The following CABCOCO1 variants were observed in gnomAD, a reference collection of about 807,000 sequenced individuals.
The protein encoded by CABCOCO1 is ciliary associated calcium binding coiled-coil 1.
In CABCOCO1, 28 loss-of-function variants were observed where a neutral mutation model predicts 35.7. That is an observed-to-expected ratio of 0.78 (90% CI 0.58 to 1.07). The LOEUF is 1.07. Among genes scored for constraint, CABCOCO1 ranks in the 50% least tolerant of loss-of-function variants. The probability of loss-of-function intolerance (pLI) is 0.00; values close to 1 mark genes in which losing one functional copy is unlikely to be tolerated. For synonymous variants in CABCOCO1, 95 were observed against 100.1 expected, an observed-to-expected ratio of 0.95 and a Z score of 0.30; for missense variants, 326 against 309.2, an observed-to-expected ratio of 1.05 and a Z score of -0.41.
At chr10:61,739,572 G>C (rs116448612) in intron 5 of CABCOCO1, among the ~76,000 whole-genome samples, 70,178 of 151,450 alleles carry the variant, frequency 0.46, 17,104 homozygotes, top group Middle Eastern at 0.59. Flanking sequence ...TAGGGACAGA[G>C]AGATTAATTG....
intron 3 of CABCOCO1, among the ~76,000 whole-genome samples, chr10:61,683,350 A>T (rs1407253698): frequency 2.0e-5 from 3 of 152,170 alleles, no homozygotes; most frequent in Non-Finnish European, 4.4e-5. Flanking sequence ...ATTTGAGGCC[A>T]GGAGTCCAAG....
chr10:61,680,475 T>TATAACATA lies in CABCOCO1; in HGVS notation c.165-668_165-667insATAACATA, dbSNP rs1212227035. On this transcript the variant is annotated intron_variant, in intron 2 of 7. Transcript: ENST00000648843. ...TTATATATAACATATATAATATATATTTATATATATAACATATTATATGTT... is the reference window on the plus strand; with the variant it reads ...TTATATATAACATATATAATATATATATAACATATTATATATATAACATATTATATGTT... Among the ~76,000 whole-genome samples, 73 of 17,336 alleles carry TATAACATA rather than the reference T, an allele frequency of 4.2e-3. 1 individual carries two copies. The highest frequency in any genetic ancestry group is 0.012 in the African/African-American group (64 of 5,360). The allele number at this position is 17,336 out of a possible 152,430, so 11.4% of individuals were successfully genotyped here.
chr10:61,758,711 T>C (rs1841948035), intron 5 of CABCOCO1, among the ~76,000 whole-genome samples: 1 of 152,086 alleles, frequency 6.6e-6, no homozygotes, highest in African/African-American at 2.4e-5. Flanking sequence ...TATTTGACCT[T>C]AGGCCAATCA....
At chr10:61,754,055 A>G (rs552877206) in intron 5 of CABCOCO1, among the ~76,000 whole-genome samples, 102 of 152,166 alleles carry the variant, frequency 6.7e-4, no homozygotes, top group Non-Finnish European at 1.3e-3. Flanking sequence ...CAGTAATTAT[A>G]AGTAATAATA....
At chr10:61,729,780 C>A (rs1202725531) in intron 5 of CABCOCO1, among the ~76,000 whole-genome samples, 1 of 152,070 alleles carries the variant, frequency 6.6e-6, no homozygotes, top group Non-Finnish European at 1.5e-5. Context: ...ATTACTCAGC[C>A]TTTAAAAAGA....
At chr10:61,674,334 T>C (rs1341624668) in intron 2 of CABCOCO1, among the ~76,000 whole-genome samples, 3 of 152,162 alleles carry the variant, frequency 2.0e-5, no homozygotes, top group African/African-American at 7.2e-5. Flanking sequence ...ACAGCCAGGC[T>C]CAATAGCAGG....
intron 3 of CABCOCO1, 39 bp from the exon 4 acceptor site, chr10:61,686,002 T>C: frequency 6.5e-7 from 1 of 1,541,172 alleles, no homozygotes; most frequent in Non-Finnish European, 8.8e-7. Context: ...AAAACATCTA[T>C]CAAAATAATA....
At chr10:61,668,368 A>G (rs1029929155) in intron 1 of CABCOCO1, among the ~76,000 whole-genome samples, 3 of 151,914 alleles carry the variant, frequency 2.0e-5, no homozygotes, top group African/African-American at 4.8e-5. Context: ...TTAAAAATGA[A>G]CTCTCTATAG....
At chr10:61,730,770 ATT>A (rs1322604993) in intron 5 of CABCOCO1, among the ~76,000 whole-genome samples, 2 of 152,096 alleles carry the variant, frequency 1.3e-5, no homozygotes, top group Non-Finnish European at 2.9e-5. Context: ...GCAAATTATT[ATT>A]GTTTCCTCCT....
chr10:61,714,210 G>T (rs181819264), intron 5 of CABCOCO1, among the ~76,000 whole-genome samples: 2 of 152,244 alleles, frequency 1.3e-5, no homozygotes, highest in Admixed American at 1.3e-4. Context: ...TCTATTCGGA[G>T]ATTCAACTTC....
chr10:61,746,258 T>C (rs1429076011), intron 5 of CABCOCO1, among the ~76,000 whole-genome samples: 1 of 152,208 alleles, frequency 6.6e-6, no homozygotes, highest in African/African-American at 2.4e-5. Context: ...ACACAATTTA[T>C]GCTCTCCTTG....
At chr10:61,698,698 T>C (rs1372498301) in intron 5 of CABCOCO1, among the ~76,000 whole-genome samples, 1 of 152,100 alleles carries the variant, frequency 6.6e-6, no homozygotes, top group African/African-American at 2.4e-5. Context: ...CCCACACAGA[T>C]TGTGGGTGTT....
At chr10:61,734,518 A>G (rs34984616) in intron 5 of CABCOCO1, among the ~76,000 whole-genome samples, 7 of 51,446 alleles carry the variant, frequency 1.4e-4, no homozygotes, top group South Asian at 7.7e-4. Context: ...AGGAAGGGGG[A>G]AAAAAAAAAC....
chr10:61,671,154 G>A (rs1409741752), intron 1 of CABCOCO1, among the ~76,000 whole-genome samples: 3 of 152,086 alleles, frequency 2.0e-5, no homozygotes, highest in Admixed American at 6.5e-5. Flanking sequence ...GTGAAACCAC[G>A]TCTCTACTAA....
chr10:61,737,350 T>C (rs1474848351), intron 5 of CABCOCO1, among the ~76,000 whole-genome samples: 1 of 152,114 alleles, frequency 6.6e-6, no homozygotes, highest in African/African-American at 2.4e-5. Context: ...ACACTGTTGG[T>C]GGGAGTGTAA....
chr10:61,702,135 T>C (rs190377267), intron 5 of CABCOCO1, among the ~76,000 whole-genome samples: 76 of 152,318 alleles, frequency 5.0e-4, no homozygotes, highest in Middle Eastern at 3.4e-3. Context: ...GGTTACATCT[T>C]CATTGAATAT....
At chr10:61,672,833 T>C (rs1839401730) in intron 2 of CABCOCO1, 98 bp downstream of exon 2, 1 of 807,480 alleles carries the variant, frequency 1.2e-6, no homozygotes, top group East Asian at 1.3e-4. Context: ...TTCACAATAT[T>C]TGTTATGATA....
At chr10:61,722,386 C>G (rs1204436191) in intron 5 of CABCOCO1, among the ~76,000 whole-genome samples, 1 of 152,032 alleles carries the variant, frequency 6.6e-6, no homozygotes, top group Non-Finnish European at 1.5e-5. Flanking sequence ...ACTGGAACAA[C>G]TCTTTAGCCA....
chr10:61,740,687 T>G (rs1052315250), intron 5 of CABCOCO1, among the ~76,000 whole-genome samples: 1 of 152,182 alleles, frequency 6.6e-6, no homozygotes, highest in African/African-American at 2.4e-5. Context: ...GGTACCTTCT[T>G]TTGTCATCTT....
Sources: allele counts gnomAD v4.1 joint callset (sites outside exome capture counted in the v4.1 genomes callset), GRCh38; gene constraint gnomAD v4.1.1; transcripts MANE v1.5; gene names NCBI Gene and HGNC (gene_info 2026-07-23, HGNC 2026-07-21).